Variants in DSCAM observed in about 807,000 individuals in gnomAD.
DSCAM encodes the protein cell adhesion molecule DSCAM.
In DSCAM, 47 loss-of-function variants were observed where a neutral mutation model predicts 217.7. The observed-to-expected ratio is 0.22, with a 90% CI of 0.17 to 0.28. The LOEUF (loss-of-function observed/expected upper bound fraction) is 0.28. Ranked by LOEUF, DSCAM falls within the 10% of genes least tolerant of loss-of-function variation. The pLI is 1.00. For missense variants in DSCAM, 2,080 were observed against 2,618.3 expected, an observed-to-expected ratio of 0.79 and a Z score of 4.49; for synonymous variants, 1,056 against 1,015.3, an observed-to-expected ratio of 1.04 and a Z score of -0.76.
intron 11 of DSCAM, among the ~76,000 whole-genome samples, chr21:40,244,411 A>G (rs1447517523): frequency 1.3e-5 from 2 of 150,296 alleles, no homozygotes; most frequent in Non-Finnish European, 3.0e-5. Flanking sequence ...AGATTGTGCC[A>G]CTGCACTCCA....
rs1184783647 is a variant in DSCAM at position 40,055,714 on chromosome 21, G to T, written c.5035+11C>A. The T allele has an allele frequency of 1.2e-6, 2 of 1,603,534 alleles. No individual in the cohort carries two copies. Among genetic ancestry groups the T allele is most frequent in the East Asian group, 2.2e-5 (1 of 44,660 alleles). On this transcript the variant is annotated intron_variant, in intron 29 of 32. Transcript: ENST00000400454. ...GCCACTTTGTGTAAAGTGGCAAATA[G>T]GGCAGCTTACCAATGGTCTCCATCG...
intron 3 of DSCAM, among the ~76,000 whole-genome samples, chr21:40,645,137 T>C (rs1022267566): frequency 2.0e-5 from 3 of 152,208 alleles, no homozygotes; most frequent in Non-Finnish European, 4.4e-5. Flanking sequence ...TAACGTACTC[T>C]CTTCTTGCAT....
chr21:40,450,565 T>A (rs1362859743), intron 3 of DSCAM, among the ~76,000 whole-genome samples: 1 of 152,232 alleles, frequency 6.6e-6, no homozygotes, highest in Non-Finnish European at 1.5e-5. Context: ...TCAGAACATT[T>A]GATGAATTGC....
chr21:40,121,681 C>CTTTTTTT (rs201672838), intron 20 of DSCAM, among the ~76,000 whole-genome samples: 2,259 of 73,630 alleles, frequency 0.031, 353 homozygotes, highest in Non-Finnish European at 0.043. Flanking sequence ...TCATTACTGT[C>CTTTTTTT]TTTTTTTTTT....
At position 40,377,334 on chromosome 21, in the gene DSCAM, C is replaced by T. The variant is rs117079732; in HGVS notation, c.509-8089G>A. ...CTCATGCCCTCACGCAAATCGCTCC[C>T]CTGGGTTTGGGCCATGGCACAAGTG... On this transcript the variant is annotated intron_variant, in intron 3 of 32. Transcript: ENST00000400454. Among the ~76,000 whole-genome samples the T allele has an allele frequency of 6.5e-3, 982 of 152,188 alleles. 6 individuals are homozygous for T. The highest frequency in any genetic ancestry group is 0.01 in the Non-Finnish European group (683 of 68,000).
At chr21:40,087,095 A>G (rs2030377870) in intron 22 of DSCAM, 75 bp downstream of exon 22, 2 of 1,112,776 alleles carry the variant, frequency 1.8e-6, no homozygotes, top group African/African-American at 1.5e-5. Flanking sequence ...TTAGGAGACC[A>G]CTAGACACAA....
At chr21:40,086,977 C>T (rs940830341) in intron 22 of DSCAM, among the ~76,000 whole-genome samples, 193 bp downstream of exon 22, 1 of 152,196 alleles carries the variant, frequency 6.6e-6, no homozygotes, top group Non-Finnish European at 1.5e-5. Context: ...AGGGTTGATA[C>T]AATAAATCAG....
intron 32 of DSCAM, among the ~76,000 whole-genome samples, chr21:40,029,035 T>TCTTCCA (rs1417096310): frequency 5.9e-5 from 9 of 152,088 alleles, no homozygotes; most frequent in Non-Finnish European, 1.2e-4. Context: ...ATTATTGTCT[T>TCTTCCA]CTTCCATAAG....
chr21:40,263,784 T>G (rs2073485608), intron 11 of DSCAM, among the ~76,000 whole-genome samples: 1 of 152,046 alleles, frequency 6.6e-6, no homozygotes, highest in South Asian at 2.1e-4. Flanking sequence ...TTTGAAAAGA[T>G]AAATAAAATT....
chr21:40,247,407 C>T (rs2073241089), intron 11 of DSCAM, among the ~76,000 whole-genome samples: 1 of 152,162 alleles, frequency 6.6e-6, no homozygotes, highest in African/African-American at 2.4e-5. Context: ...CTAGCTACTT[C>T]CTAGATACAA....
intron 11 of DSCAM, among the ~76,000 whole-genome samples, chr21:40,240,349 GTTTTTTTTT>G (rs749073872): frequency 3.3e-3 from 193 of 57,744 alleles, no homozygotes; most frequent in African/African-American, 0.013. Context: ...TTCCTCACTG[GTTTTTTTTT>G]TTTTTTTTTT....
At chr21:40,670,795 A>C (rs1228911164) in intron 3 of DSCAM, among the ~76,000 whole-genome samples, 2 of 152,206 alleles carry the variant, frequency 1.3e-5, no homozygotes, top group Non-Finnish European at 2.9e-5. Context: ...TGCTATGAAC[A>C]TGGGTGTACA....
At chr21:40,624,129 G>C (rs573745659) in intron 3 of DSCAM, among the ~76,000 whole-genome samples, 1 of 152,142 alleles carries the variant, frequency 6.6e-6, no homozygotes, top group Non-Finnish European at 1.5e-5. Context: ...GCCTCTCACA[G>C]AATGTTGTAT....
chr21:40,524,308 T>A (rs1432270087), intron 3 of DSCAM, among the ~76,000 whole-genome samples: 1 of 152,160 alleles, frequency 6.6e-6, no homozygotes, highest in Non-Finnish European at 1.5e-5. Flanking sequence ...CCTTTATTTT[T>A]CGTTAATGAG....
At chr21:40,082,800 T>C (rs1388139078) in intron 24 of DSCAM, among the ~76,000 whole-genome samples, 2 of 152,132 alleles carry the variant, frequency 1.3e-5, no homozygotes, top group Non-Finnish European at 2.9e-5. Context: ...ATTTGTAGCA[T>C]TTCTGATTTC....
chr21:40,369,220 C>G lies in DSCAM; in HGVS notation c.534G>C (p.Thr178=), dbSNP rs777304588. Reference sequence around the variant, plus strand: ...GTACATCTTTAATATACAAGGCTCCCGTGGATGTGATGAGAAATCTAGATC... The same window carrying G: ...GTACATCTTTAATATACAAGGCTCCGGTGGATGTGATGAGAAATCTAGATC... The part of the protein sequence containing the change: ...VSGSRFLITS[T]GALYIKDVQN... Residue 178 remains threonine, a synonymous_variant, in exon 4 of 33, where the codon ACG becomes ACC. Transcript: ENST00000400454. 1.2e-6 allele frequency: 2 copies of G among 1,609,294 alleles called. No homozygotes were observed. Among genetic ancestry groups the G allele is most frequent in the Non-Finnish European group, 1.7e-6 (2 of 1,178,102 alleles).
chr21:40,193,517 C>T (rs1372921588), intron 11 of DSCAM, among the ~76,000 whole-genome samples: 1 of 152,162 alleles, frequency 6.6e-6, no homozygotes, highest in African/African-American at 2.4e-5. Context: ...AACCATGACA[C>T]CCACATATAA....
At position 40,419,620 on chromosome 21, in the gene DSCAM, CAT is replaced by C. The variant is rs374013176; in HGVS notation, c.509-50377_509-50376del. The stretch of plus-strand genomic sequence containing the variant: ...AAGGTCTCACCAGCTATACCACTCA[CAT>C]ATAATTTCTGGGAAAAATTACTCAG... On this transcript the variant is annotated intron_variant, in intron 3 of 32. Coordinates refer to ENST00000400454, the MANE Select transcript of DSCAM (RefSeq NM_001389.5). 2.2e-4 allele frequency among the ~76,000 whole-genome samples: 33 copies of C among 152,268 alleles called. 1 individual carries two copies. Among genetic ancestry groups the C allele is most frequent in the African/African-American group, 7.5e-4 (31 of 41,554 alleles).
chr21:40,551,630 T>G (rs1315650289), intron 3 of DSCAM, among the ~76,000 whole-genome samples: 1 of 152,188 alleles, frequency 6.6e-6, no homozygotes, highest in East Asian at 1.9e-4. Context: ...AAAGACAGCT[T>G]TGCAGAACCA....
Sources: allele counts gnomAD v4.1 joint callset (sites outside exome capture counted in the v4.1 genomes callset), GRCh38; gene constraint gnomAD v4.1.1; transcripts MANE v1.5; gene names NCBI Gene and HGNC (gene_info 2026-07-23, HGNC 2026-07-21).